The following NOS1AP variants were observed in gnomAD, a reference collection of about 807,000 sequenced individuals.
NOS1AP encodes the protein carboxyl-terminal PDZ ligand of neuronal nitric oxide synthase protein.
NOS1AP carries 21 observed loss-of-function variants against 56.2 expected under a neutral mutation model. The observed-to-expected ratio is 0.37, with a 90% CI of 0.26 to 0.54. NOS1AP has a LOEUF of 0.54. Ranked by LOEUF, NOS1AP falls within the 20% of genes least tolerant of loss-of-function variation. The pLI, the probability that NOS1AP is intolerant of heterozygous loss-of-function variation, is 0.84. For missense variants in NOS1AP, 522 were observed against 657.8 expected, an observed-to-expected ratio of 0.79 and a Z score of 2.26; for synonymous variants, 270 against 274.6, an observed-to-expected ratio of 0.98 and a Z score of 0.17.
At chr1:162,259,694 A>G (rs1654147305) in intron 2 of NOS1AP, among the ~76,000 whole-genome samples, 1 of 152,248 alleles carries the variant, frequency 6.6e-6, no homozygotes, top group African/African-American at 2.4e-5. Flanking sequence ...GCAGTAAAAG[A>G]GTATGAAATG....
At chr1:162,073,234 G>A (rs1419439879) in intron 1 of NOS1AP, among the ~76,000 whole-genome samples, 1 of 152,174 alleles carries the variant, frequency 6.6e-6, no homozygotes, top group Non-Finnish European at 1.5e-5. Flanking sequence ...ATAGGCTCAG[G>A]GAGGTTGTTG....
chr1:162,333,248 T>C, intron 5 of NOS1AP, 123 bp downstream of exon 5: 1 of 716,490 alleles, frequency 1.4e-6, no homozygotes, highest in South Asian at 1.5e-5. Context: ...ACTATCTCAG[T>C]CGTCTGTCAT....
chr1:162,130,720 G>C (rs183157066), intron 1 of NOS1AP, among the ~76,000 whole-genome samples: 1 of 152,318 alleles, frequency 6.6e-6, no homozygotes, highest in African/African-American at 2.4e-5. Context: ...TCTGCAGTCA[G>C]CCAGGCAGAT....
chr1:162,080,099 A>G (rs1691851868), intron 1 of NOS1AP, among the ~76,000 whole-genome samples: 3 of 152,218 alleles, frequency 2.0e-5, no homozygotes, highest in African/African-American at 7.2e-5. Context: ...AGCAGAGGTA[A>G]TCTAAGCAGA....
rs189849475 is a variant in NOS1AP at position 162,197,707 on chromosome 1, C to T, written c.177+43231C>T. Among the ~76,000 whole-genome samples the T allele has an allele frequency of 9.2e-5, 14 of 152,302 alleles. No homozygotes were observed. The East Asian group carries it at 2.7e-3, about 29-fold the overall frequency. On this transcript the variant is annotated intron_variant, in intron 2 of 9. Coordinates refer to ENST00000361897, the MANE Select transcript of NOS1AP (RefSeq NM_014697.3). ...GTCACTTAGGGGCTAGGCCTCGCAC[C>T]TGATCTGTTGTATTTCTCTGCCTGG... is the stretch of plus-strand genomic sequence containing the variant.
At chr1:162,293,309 C>T (rs1488725755) in intron 3 of NOS1AP, among the ~76,000 whole-genome samples, 5 of 152,192 alleles carry the variant, frequency 3.3e-5, no homozygotes, top group South Asian at 2.1e-4. Flanking sequence ...CTTTGTGATA[C>T]GCCTACTGAT....
chr1:162,251,865 T>TTTTTG (rs1653868868), intron 2 of NOS1AP, among the ~76,000 whole-genome samples: 1 of 100,876 alleles, frequency 9.9e-6, no homozygotes, highest in Non-Finnish European at 2.1e-5. Flanking sequence ...TTGTTTTTTT[T>TTTTTG]TTTGTTTTTT....
chr1:162,215,250 GC>G (rs1470418880), intron 2 of NOS1AP, among the ~76,000 whole-genome samples: 1 of 152,148 alleles, frequency 6.6e-6, no homozygotes, highest in Non-Finnish European at 1.5e-5. Flanking sequence ...CCTTGCCAAG[GC>G]CCCGGGGCCG....
intron 4 of NOS1AP, 52 bp from the exon 5 acceptor site, chr1:162,332,965 G>A: frequency 7.8e-7 from 1 of 1,283,102 alleles, no homozygotes; most frequent in Non-Finnish European, 1.1e-6. Context: ...CCTGGTTGGA[G>A]ATTTGAACCT....
intron 2 of NOS1AP, among the ~76,000 whole-genome samples, chr1:162,199,275 G>A (rs1227037876): frequency 2.0e-5 from 3 of 152,148 alleles, no homozygotes; most frequent in Non-Finnish European, 4.4e-5. Context: ...CTTAAAGAGT[G>A]GGGAAAAGAG....
intron 2 of NOS1AP, among the ~76,000 whole-genome samples, chr1:162,212,294 C>T (rs1194429385): frequency 7.2e-5 from 11 of 152,200 alleles, no homozygotes. Context: ...TGTAGTCCCA[C>T]CTCATCTACT....
At chr1:162,172,298 T>C (rs1650828672) in intron 2 of NOS1AP, among the ~76,000 whole-genome samples, 1 of 152,126 alleles carries the variant, frequency 6.6e-6, no homozygotes, top group African/African-American at 2.4e-5. Flanking sequence ...GGTGGTAGGG[T>C]AGCTGTAGCA....
At chr1:162,244,244 C>T (rs1034825124) in intron 2 of NOS1AP, among the ~76,000 whole-genome samples, 1 of 152,092 alleles carries the variant, frequency 6.6e-6, no homozygotes, top group Non-Finnish European at 1.5e-5. Context: ...GTGCTGGGAA[C>T]CTGTCTCCCC....
At chr1:162,302,551 G>A (rs1290546664) in intron 4 of NOS1AP, among the ~76,000 whole-genome samples, 1 of 152,178 alleles carries the variant, frequency 6.6e-6, no homozygotes, top group East Asian at 1.9e-4. Flanking sequence ...CTTCCTTATG[G>A]ATGCTGATCA....
chr1:162,280,265 T>C (rs893697193), intron 2 of NOS1AP, among the ~76,000 whole-genome samples: 5 of 152,262 alleles, frequency 3.3e-5, no homozygotes, highest in Non-Finnish European at 7.3e-5. Flanking sequence ...CTTTTTATTT[T>C]ATTAGCTTTT....
chr1:162,300,794 G>A (rs1655625226), intron 4 of NOS1AP, 88 bp downstream of exon 4: 3 of 1,137,126 alleles, frequency 2.6e-6, no homozygotes, highest in Admixed American at 3.4e-5. Flanking sequence ...GTGGATCCAG[G>A]CAAATTTAAA....
chr1:162,266,908 A>G (rs1654439912), intron 2 of NOS1AP, among the ~76,000 whole-genome samples: 1 of 152,154 alleles, frequency 6.6e-6, no homozygotes. Context: ...CTTCTTAGGA[A>G]GGCATATGGA....
At chr1:162,336,314 C>G (rs1177089804) in intron 5 of NOS1AP, among the ~76,000 whole-genome samples, 1 of 152,136 alleles carries the variant, frequency 6.6e-6, no homozygotes, top group African/African-American at 2.4e-5. Flanking sequence ...TGTAAAGACT[C>G]AACAAGTAAT....
At chr1:162,109,442 T>G (rs1647630226) in intron 1 of NOS1AP, among the ~76,000 whole-genome samples, 1 of 152,224 alleles carries the variant, frequency 6.6e-6, no homozygotes, top group African/African-American at 2.4e-5. Context: ...TATTTACTTC[T>G]GAAATAGATG....
Sources: gnomAD v4.1 joint callset for allele counts (sites outside exome capture counted in the v4.1 genomes callset) on GRCh38, gnomAD v4.1.1 for gene constraint, MANE v1.5 for transcripts, NCBI Gene and HGNC (gene_info 2026-07-23, HGNC 2026-07-21) for gene names.